The following VPS37C variants were observed in gnomAD, a reference collection of about 807,000 sequenced individuals.
The protein encoded by VPS37C is vacuolar protein sorting-associated protein 37C.
VPS37C carries 9 observed loss-of-function variants against 16.1 expected under a neutral mutation model. The ratio of observed to expected loss-of-function variants is 0.56; its 90% CI spans 0.34 to 0.97. The LOEUF is 0.97. VPS37C is among the 50% of genes least tolerant of loss of function. The probability of loss-of-function intolerance (pLI) is 0.02; values close to 1 mark genes in which losing one functional copy is unlikely to be tolerated. For missense variants in VPS37C, 479 were observed against 472.7 expected (o/e 1.01, Z -0.12); for synonymous variants, 207 against 206.4 (o/e 1.00, Z -0.02).
intron 1 of VPS37C, among the ~76,000 whole-genome samples, chr11:61,157,188 C>G (rs1309937046): frequency 1.3e-5 from 2 of 152,226 alleles, no homozygotes; most frequent in Non-Finnish European, 2.9e-5. Context: ...GTAAATAATG[C>G]TGCTACAAAC....
In VPS37C at chr11:61,131,068, AG is replaced by A. The variant is rs1861245133; in HGVS notation, c.*751del. On this transcript the variant is annotated 3_prime_UTR_variant, in exon 5 of 5. Transcript: ENST00000301765. ...AAGCCCCAATGTGACCACAATCTCC[AG>A]GGCTAGAGCTGCCCGCTTCCCTCTG... 2.4e-5 allele frequency: 7 copies of A among 287,762 alleles called. No individual in the cohort carries two copies. Among genetic ancestry groups the A allele is most frequent in the South Asian group, 2.0e-4 (7 of 34,652 alleles). 17.8% of individuals were successfully genotyped at this position (287,762 alleles called of 1,614,324 possible).
chr11:61,138,537 G>A (rs1337059709), intron 2 of VPS37C, 200 bp downstream of exon 2: 4 of 567,200 alleles, frequency 7.1e-6, no homozygotes, highest in Non-Finnish European at 1.3e-5. Context: ...AGGAGGCAGT[G>A]GACTCCCCAG....
chr11:61,136,702 TAAG>T (rs1388980870), intron 2 of VPS37C, among the ~76,000 whole-genome samples: 2 of 152,272 alleles, frequency 1.3e-5, no homozygotes, highest in Non-Finnish European at 2.9e-5. Flanking sequence ...TTGGTGGAAA[TAAG>T]GAGGAAGAAT....
intron 1 of VPS37C, among the ~76,000 whole-genome samples, chr11:61,157,975 C>G (rs1270837335): frequency 6.6e-6 from 1 of 152,222 alleles, no homozygotes; most frequent in Admixed American, 6.5e-5. Context: ...ACCTGTTCCC[C>G]TTTCACCTTC....
chr11:61,137,056 T>C (rs1861389364), intron 2 of VPS37C, among the ~76,000 whole-genome samples: 1 of 152,158 alleles, frequency 6.6e-6, no homozygotes, highest in Admixed American at 6.5e-5. Context: ...TAAAACCATT[T>C]TGACTAACTT....
chr11:61,156,852 C>T (rs972038901), intron 1 of VPS37C, among the ~76,000 whole-genome samples: 3 of 152,158 alleles, frequency 2.0e-5, no homozygotes, highest in Non-Finnish European at 4.4e-5. Context: ...TTTCATCACC[C>T]TAAACTGAAA....
chr11:61,152,153 G>A (rs1002639981), intron 1 of VPS37C, among the ~76,000 whole-genome samples: 1 of 152,142 alleles, frequency 6.6e-6, no homozygotes, highest in Non-Finnish European at 1.5e-5. Flanking sequence ...GTCATGCAAG[G>A]TGTGTCTGTT....
Position 61,132,647 on chromosome 11 carries a change from G to A in VPS37C, c.349-108C>T, listed in dbSNP as rs957043848. The A allele has an allele frequency of 2.8e-6, 4 of 1,439,318 alleles. No individual in the cohort carries two copies. The African/African-American group carries it at 4.3e-5, about 15-fold the overall frequency. 89.2% of individuals were successfully genotyped at this position (1,439,318 alleles called of 1,614,324 possible). A position where few individuals can be genotyped will look rare whatever the true frequency, so the allele number is the denominator to read the frequency against. Reference sequence around the variant, plus strand: ...AGCCCTCCCACCTCACGCCGCCTCAGGCACCCCCTCCTCTTCCCTGCCCAT... The same window carrying A: ...AGCCCTCCCACCTCACGCCGCCTCAAGCACCCCCTCCTCTTCCCTGCCCAT... On this transcript the variant is annotated intron_variant, in intron 4 of 4. Coordinates refer to ENST00000301765, the MANE Select transcript of VPS37C (RefSeq NM_017966.5).
intron 1 of VPS37C, among the ~76,000 whole-genome samples, chr11:61,150,810 T>C (rs930504696): frequency 7.2e-5 from 11 of 151,982 alleles, no homozygotes; most frequent in Admixed American, 1.3e-4. Context: ...GCGTAGAGTG[T>C]GGGGAGTCAT....
In VPS37C at chr11:61,134,209, TA is replaced by T; in HGVS notation, c.94-3del. On this transcript the variant is annotated splice_region_variant and splice_polypyrimidine_tract_variant and intron_variant, in intron 2 of 4. Transcript: ENST00000301765. ...CCGTTCCAGCTGTAGGTCCTGGACC[TA>T]AAAGGGCAGGACAACAGAACCTAAG... The T allele has an allele frequency of 6.2e-7, 1 of 1,609,900 alleles. No individual in the cohort carries two copies. Among genetic ancestry groups the T allele is most frequent in the Non-Finnish European group, 8.5e-7 (1 of 1,176,916 alleles).
At chr11:61,142,505 A>T (rs1353172289) in intron 1 of VPS37C, among the ~76,000 whole-genome samples, 2 of 152,202 alleles carry the variant, frequency 1.3e-5, no homozygotes, top group South Asian at 4.1e-4. Context: ...AAGTGCTGGG[A>T]TAACAGGTGT....
At chr11:61,139,423 T>C (rs1861434513) in intron 1 of VPS37C, among the ~76,000 whole-genome samples, 2 of 148,850 alleles carry the variant, frequency 1.3e-5, no homozygotes, top group Admixed American at 6.8e-5. Flanking sequence ...TGGACTGTCA[T>C]ATGCGCATCC....
intron 1 of VPS37C, among the ~76,000 whole-genome samples, chr11:61,154,849 A>G (rs1297998560): frequency 1.3e-5 from 2 of 152,206 alleles, no homozygotes; most frequent in Non-Finnish European, 2.9e-5. Flanking sequence ...TCACACCTGC[A>G]ATCTCAGCAC....
In VPS37C at chr11:61,142,641, A is replaced by T. The variant is rs112055213; in HGVS notation, c.-6-3806T>A. 4.5e-3 allele frequency among the ~76,000 whole-genome samples: 686 copies of T among 152,166 alleles called. 4 individuals carry two copies. Among genetic ancestry groups the T allele is most frequent in the African/African-American group, 0.016 (654 of 41,506 alleles). ...CCTCTGAAAACTGCACTGTACACTC[A>T]TGCAAGAAAAGAGAGTGAAGAAAGA... On this transcript the variant is annotated intron_variant, in intron 1 of 4. Coordinates refer to ENST00000301765, the MANE Select transcript of VPS37C (RefSeq NM_017966.5).
chr11:61,159,103 G>A (rs1405593238), intron 1 of VPS37C, among the ~76,000 whole-genome samples: 2 of 152,140 alleles, frequency 1.3e-5, no homozygotes, highest in African/African-American at 4.8e-5. Context: ...ACTATTACTG[G>A]CCAAGAGTGT....
In VPS37C at chr11:61,132,150, CG is replaced by C. The variant is rs1485407932; in HGVS notation, c.737del (p.Pro246ArgfsTer192). 6 of 1,452,632 alleles carry C rather than the reference CG, an allele frequency of 4.1e-6. No homozygotes were observed. The highest frequency in any genetic ancestry group is 5.5e-6 in the Non-Finnish European group (6 of 1,100,086). The allele number at this position is 1,452,632 out of a possible 1,614,324, so 90.0% of individuals were successfully genotyped here. On this transcript the variant is annotated frameshift_variant, in exon 5 of 5. Coordinates refer to ENST00000301765, the MANE Select transcript of VPS37C (RefSeq NM_017966.5). LOFTEE classifies it low-confidence loss of function (END_TRUNC). ...FYSGPLGPTY[P>X]AAQLGPRGAA... Reference sequence around the variant, plus strand: ...CACCCCTGGGTCCAAGCTGGGCTGCCGGGTAAGTGGGGCCCAGAGGCCCGCT... The same window carrying C: ...CACCCCTGGGTCCAAGCTGGGCTGCCGGTAAGTGGGGCCCAGAGGCCCGCT...
intron 1 of VPS37C, among the ~76,000 whole-genome samples, chr11:61,155,174 A>C (rs1565196943): frequency 6.6e-6 from 1 of 151,918 alleles, no homozygotes; most frequent in Non-Finnish European, 1.5e-5. Context: ...TACATTACAA[A>C]CAGAAGAGCA....
chr11:61,154,988 C>T (rs947627300), intron 1 of VPS37C, among the ~76,000 whole-genome samples: 15 of 151,892 alleles, frequency 9.9e-5, no homozygotes, highest in African/African-American at 3.4e-4. Context: ...CCTGTGGTCC[C>T]AACTACTTGG....
chr11:61,145,026 C>G (rs1293326153), intron 1 of VPS37C: 2 of 152,202 alleles, frequency 1.3e-5, no homozygotes, highest in African/African-American at 2.4e-5. Context: ...GCAAACAAAC[C>G]CTTACATGGC....
Sources: allele counts gnomAD v4.1 joint callset (sites outside exome capture counted in the v4.1 genomes callset), GRCh38; gene constraint gnomAD v4.1.1; transcripts MANE v1.5; gene names NCBI Gene and HGNC (gene_info 2026-07-23, HGNC 2026-07-21).